Variants in ACOT9 observed in about 807,000 individuals in gnomAD.
The protein encoded by ACOT9 is acyl-CoA thioesterase 9.
Under a neutral mutation model 39.7 loss-of-function variants are expected in ACOT9, and 34 were observed. The ratio of observed to expected loss-of-function variants is 0.86; its 90% CI spans 0.65 to 1.14. The LOEUF (loss-of-function observed/expected upper bound fraction) is 1.14, where lower values mean the gene tolerates loss of function less well. Ranked by LOEUF, ACOT9 falls within the 50% of genes most tolerant of loss-of-function variation. The probability of loss-of-function intolerance (pLI) is 0.00; values close to 1 mark genes in which losing one functional copy is unlikely to be tolerated. For missense variants in ACOT9, 313 were observed against 344.1 expected, an observed-to-expected ratio of 0.91 and a Z score of 0.71; for synonymous variants, 110 against 120.5, an observed-to-expected ratio of 0.91 and a Z score of 0.57.
At chrX:23,742,677 A>C (rs1920989087) in intron 1 of ACOT9, among the ~76,000 whole-genome samples, 1 of 111,642 alleles carries the variant, frequency 9.0e-6, no homozygotes, top group Admixed American at 9.6e-5. Flanking sequence ...CCAATGTTAC[A>C]ACAAACTTAA....
At chrX:23,704,370 C>T (rs1601801427) in intron 15 of ACOT9, among the ~76,000 whole-genome samples, 1 of 97,915 alleles carries the variant, frequency 1.0e-5, no homozygotes. Flanking sequence ...CTAGTAGAGA[C>T]GGGGTTTCAC....
intron 13 of ACOT9, 149 bp downstream of exon 13, chrX:23,705,360 G>A: frequency 5.7e-6 from 3 of 523,854 alleles, no homozygotes; most frequent in South Asian, 3.3e-5. Flanking sequence ...CTTCTAAAAT[G>A]AAGATCAAAT....
At chrX:23,707,798 A>G (rs1928751910) in intron 10 of ACOT9, 79 bp downstream of exon 10, 10 of 762,866 alleles carry the variant, frequency 1.3e-5, no homozygotes, top group Non-Finnish European at 1.9e-5. Context: ...AAGAGCCCAT[A>G]TAAAATCTTA....
chrX:23,705,239 T>C (rs1928636610), intron 13 of ACOT9, among the ~76,000 whole-genome samples, 159 bp from the exon 14 acceptor site: 1 of 111,755 alleles, frequency 8.9e-6, no homozygotes, highest in South Asian at 3.7e-4. Context: ...AGAGACGCCA[T>C]CGTGAGCAGA....
At position 23,705,778 on chromosome X, in the gene ACOT9, C is replaced by G; in HGVS notation, c.923G>C (p.Cys308Ser). The G allele has an allele frequency of 8.3e-7, 1 of 1,208,436 alleles. No individual in the cohort carries two copies. The highest frequency in any genetic ancestry group is 1.1e-6 in the Non-Finnish European group (1 of 892,494). ...ENSKLKSLEI[C>S]HPQERNIFNR... ...ACTAAATTATAATACCTGAGGGTGG[C>G]AAATTTCCAAACTCTTCAGTTTTGA... Residue 308 changes from cysteine (C) to serine (S), a missense_variant, in exon 12 of 16, where the codon TGC becomes TCC. Transcript: ENST00000379303.
In ACOT9 at chrX:23,706,661, A is replaced by T; in HGVS notation, c.809T>A (p.Ile270Lys). ...CAGTGTGCTGAGAAACATCTCATGTATGGTGGTCCTCTCCTCAGCGCTGGG... is the reference window on the plus strand; with the variant it reads ...CAGTGTGCTGAGAAACATCTCATGTTTGGTGGTCCTCTCCTCAGCGCTGGG... ...MAPSAEERTTIHEMFLSTLDP... is the reference protein window; with the variant it reads ...MAPSAEERTTKHEMFLSTLDP... The change falls in exon 11 of 16, where the codon ATA becomes AAA. Residue 270 changes from isoleucine (I) to lysine (K), a missense_variant. Physicochemically the swap from Ile to Lys is moderately radical, Grantham distance 102 (BLOSUM62 -3). Coordinates refer to ENST00000379303, the MANE Select transcript of ACOT9 (RefSeq NM_001037171.2). The T allele has an allele frequency of 8.3e-7, 1 of 1,198,343 alleles. No individual in the cohort carries two copies. Among genetic ancestry groups the T allele is most frequent in the Admixed American group, 2.2e-5 (1 of 45,106 alleles).
At chrX:23,704,274 C>T (rs1013563364) in intron 15 of ACOT9, among the ~76,000 whole-genome samples, 8 of 106,428 alleles carry the variant, frequency 7.5e-5, no homozygotes, top group African/African-American at 2.4e-4. Flanking sequence ...AGGTTCACGC[C>T]ATTCTCCTGC....
At chrX:23,704,637 A>G in intron 15 of ACOT9, 57 bp downstream of exon 15, 1 of 1,136,987 alleles carries the variant, frequency 8.8e-7, no homozygotes, top group Non-Finnish European at 1.2e-6. Context: ...TCAAAAGGAG[A>G]AAAATGTCCT....
chrX:23,713,518 G>A, intron 8 of ACOT9, among the ~76,000 whole-genome samples: 1 of 103,916 alleles, frequency 9.6e-6, no homozygotes, highest in Non-Finnish European at 2.0e-5. Context: ...GGCCAAGGTT[G>A]CAGTGAGCCG....
chrX:23,742,983 G>A, intron 1 of ACOT9, 142 bp downstream of exon 1: 2 of 749,635 alleles, frequency 2.7e-6, no homozygotes, highest in Non-Finnish European at 1.8e-6. Context: ...CGGAGGTACA[G>A]TGGGCGAGCG....
At position 23,704,751 on chromosome X, in the gene ACOT9, GAA is replaced by G; in HGVS notation, c.1199_1200del (p.Phe400SerfsTer71). The G allele has an allele frequency of 8.3e-7, 1 of 1,211,391 alleles. No homozygotes were observed. The highest frequency in any genetic ancestry group is 1.1e-6 in the Non-Finnish European group (1 of 895,096). On this transcript the variant is annotated frameshift_variant, in exon 15 of 16. Coordinates refer to ENST00000379303, the MANE Select transcript of ACOT9 (RefSeq NM_001037171.2). LOFTEE classifies it high-confidence loss of function. ...QEKQHTTTNV[F>X]HFTFMSEKEV... ...TCTTTTTCCGACATGAACGTGAAAT[GAA>G]AGACATTGGTGGTTGTATGCTGCTT...
At chrX:23,729,070 A>AC (rs74763443) in intron 6 of ACOT9, among the ~76,000 whole-genome samples, 80 of 107,240 alleles carry the variant, frequency 7.5e-4, no homozygotes, top group South Asian at 2.9e-3. Flanking sequence ...GTTACCTGCC[A>AC]CCCCCCCCCA....
At chrX:23,741,508 G>A (rs1476964167) in intron 1 of ACOT9, among the ~76,000 whole-genome samples, 2 of 111,003 alleles carry the variant, frequency 1.8e-5, no homozygotes, top group Non-Finnish European at 3.8e-5. Flanking sequence ...CCTCCACTCT[G>A]AGGAAATAAC....
Position 23,706,637 on chromosome X carries a change from A to C in ACOT9, c.833T>G (p.Leu278Arg). 8.4e-7 allele frequency: 1 copy of C among 1,186,932 alleles called. No individual in the cohort carries two copies. The highest frequency in any genetic ancestry group is 1.1e-6 in the Non-Finnish European group (1 of 876,592). Residue 278 changes from leucine (L) to arginine (R), a missense_variant, in exon 11 of 16, where the codon CTG (leucine) becomes CGG (arginine). Leu to Arg is a moderately radical substitution (Grantham distance 102). Coordinates refer to ENST00000379303, the MANE Select transcript of ACOT9 (RefSeq NM_001037171.2). ...TTIHEMFLST[L>R]DPKTISFRSR... ...ATCTCACCATCCTTACTTTGGATCC[A>C]GTGTGCTGAGAAACATCTCATGTAT...
chrX:23,743,023 C>T (rs1046468581), intron 1 of ACOT9, 102 bp downstream of exon 1: 4 of 989,670 alleles, frequency 4.0e-6, no homozygotes, highest in Non-Finnish European at 5.3e-6. Context: ...AATGCCCATG[C>T]GTGGCCCACT....
chrX:23,722,002 A>G lies in ACOT9; in HGVS notation c.485-18T>C, dbSNP rs760532606. The G allele has an allele frequency of 1.7e-6, 2 of 1,157,925 alleles. No homozygotes were observed. Among genetic ancestry groups the G allele is most frequent in the South Asian group, 1.9e-5 (1 of 52,627 alleles). On this transcript the variant is annotated intron_variant, in intron 7 of 15. Coordinates refer to ENST00000379303, the MANE Select transcript of ACOT9 (RefSeq NM_001037171.2). ...ACACATATCTGCAAAACAGAAGTCA[A>G]TCAGGGTCCAAGTCATACCAAAAAT...
rs1194577013 is a variant in ACOT9 at position 23,742,225 on chromosome X, AGAGAGAGAGAGG to A, written c.20+888_20+899del. ...AACAGTGAGTGAGTGAGAGAGAGAG[AGAGAGAGAGAGG>A]GAGAGAGAGAGAGAGAGAGATATCC... On this transcript the variant is annotated intron_variant, in intron 1 of 15. Transcript: ENST00000379303. Among the ~76,000 whole-genome samples the A allele has an allele frequency of 5.7e-3, 279 of 49,087 alleles. 4 individuals are homozygous for A. The highest frequency in any genetic ancestry group is 0.041 in the African/African-American group (248 of 5,986). The allele number at this position is 49,087 out of a possible 115,157, so 42.6% of individuals were successfully genotyped here.
At chrX:23,723,479 T>C (rs1335295040) in intron 6 of ACOT9, among the ~76,000 whole-genome samples, 2 of 107,137 alleles carry the variant, frequency 1.9e-5, no homozygotes, top group African/African-American at 6.8e-5. Flanking sequence ...CCGGGCGTGG[T>C]GGCGTCCCAG....
At chrX:23,730,700 A>G in intron 5 of ACOT9, 116 bp downstream of exon 5, 1 of 965,389 alleles carries the variant, frequency 1.0e-6, no homozygotes, top group Non-Finnish European at 1.4e-6. Flanking sequence ...TAAATATATC[A>G]AAACCATGGA....
Sources: allele counts gnomAD v4.1 joint callset (sites outside exome capture counted in the v4.1 genomes callset), GRCh38; gene constraint gnomAD v4.1.1; transcripts MANE v1.5; gene names NCBI Gene and HGNC (gene_info 2026-07-23, HGNC 2026-07-21).